The following ERLIN1 variants were observed in gnomAD, a reference collection of about 807,000 sequenced individuals.
ERLIN1 encodes erlin-1.
ERLIN1 carries 24 observed loss-of-function variants against 46.9 expected under a neutral mutation model. That is an observed-to-expected ratio of 0.51 (90% CI 0.37 to 0.72). The LOEUF (loss-of-function observed/expected upper bound fraction) is 0.72. ERLIN1 is among the 30% of genes least tolerant of loss of function. The pLI, the probability that ERLIN1 is intolerant of heterozygous loss-of-function variation, is 0.00. For synonymous variants in ERLIN1, 158 were observed against 143.2 expected (o/e 1.10, Z -0.74); for missense variants, 293 against 417.9 (o/e 0.70, Z 2.61).
chr10:100,181,337 T>C (rs2134178568), intron 2 of ERLIN1, among the ~76,000 whole-genome samples: 1 of 152,310 alleles, frequency 6.6e-6, no homozygotes, highest in East Asian at 1.9e-4. Context: ...GGCTGAAGGT[T>C]TTCATATAAT....
chr10:100,156,447 T>C (rs533495422), intron 8 of ERLIN1, among the ~76,000 whole-genome samples: 1 of 152,302 alleles, frequency 6.6e-6, no homozygotes, highest in East Asian at 1.9e-4. Flanking sequence ...AGTGCTAGTT[T>C]TGTGGGAAGA....
intron 8 of ERLIN1, among the ~76,000 whole-genome samples, chr10:100,157,328 G>A (rs184845516): frequency 1.3e-5 from 2 of 152,314 alleles, no homozygotes; most frequent in Admixed American, 6.5e-5. Flanking sequence ...AGCATTGGGA[G>A]TGAACATGTT....
intron 8 of ERLIN1, among the ~76,000 whole-genome samples, chr10:100,158,534 GA>G (rs145102308): frequency 2.0e-5 from 3 of 148,174 alleles, no homozygotes; most frequent in Non-Finnish European, 3.0e-5. Flanking sequence ...AGTCTTCACT[GA>G]AAAAAAAATT....
At position 100,174,232 on chromosome 10, in the gene ERLIN1, G is replaced by T. The variant is rs938582097; in HGVS notation, c.480C>A (p.Leu160=). ...LKQALQKDLN[L]MAPGLTIQAV... is the part of the protein sequence containing the mutation. ...CCTGTATAGTGAGACCTGGGGCCAT[G>T]AGGTTTAAGTCTTTCTGCAGAGCTT... The change falls in exon 6 of 11, where the codon CTC becomes CTA. Residue 160 remains leucine, a synonymous_variant. Transcript: ENST00000421367. The T allele has an allele frequency of 1.9e-6, 3 of 1,564,574 alleles. No homozygotes were observed. Among genetic ancestry groups the T allele is most frequent in the Non-Finnish European group, 2.6e-6 (3 of 1,152,564 alleles).
At chr10:100,162,152 A>G (rs1288506531) in intron 8 of ERLIN1, among the ~76,000 whole-genome samples, 2 of 152,172 alleles carry the variant, frequency 1.3e-5, no homozygotes, top group Non-Finnish European at 1.5e-5. Flanking sequence ...TAAATCTGAA[A>G]AAGGATCAGT....
Position 100,151,956 on chromosome 10 carries a change from G to T in ERLIN1, c.*175C>A. The T allele has an allele frequency of 1.5e-6, 1 of 671,396 alleles. No individual in the cohort carries two copies. The allele number at this position is 671,396 out of a possible 1,614,324, so 41.6% of individuals were successfully genotyped here. On this transcript the variant is annotated 3_prime_UTR_variant, in exon 11 of 11. Transcript: ENST00000421367. Reference sequence around the variant, plus strand: ...AAGACTGTGGCTGAAAAGACCATTTGTGTGTCAGACAGCTGGCTCTATCCT... The same window carrying T: ...AAGACTGTGGCTGAAAAGACCATTTTTGTGTCAGACAGCTGGCTCTATCCT...
intron 6 of ERLIN1, among the ~76,000 whole-genome samples, chr10:100,169,663 T>C (rs1346107019): frequency 6.6e-6 from 1 of 151,992 alleles, no homozygotes; most frequent in Non-Finnish European, 1.5e-5. Context: ...TTAAAATTCA[T>C]TAAATCCATT....
intron 2 of ERLIN1, among the ~76,000 whole-genome samples, chr10:100,182,720 T>C (rs1844733697): frequency 6.6e-6 from 1 of 152,168 alleles, no homozygotes; most frequent in African/African-American, 2.4e-5. Context: ...ATTTACAATA[T>C]AGACTTTAAG....
intron 7 of ERLIN1, 66 bp downstream of exon 7, chr10:100,167,282 A>G (rs928036784): frequency 1.6e-5 from 18 of 1,157,546 alleles, no homozygotes; most frequent in Non-Finnish European, 2.2e-5. Context: ...TGTTTCCTCT[A>G]GACTGGAATA....
At position 100,164,449 on chromosome 10, in the gene ERLIN1, A is replaced by T. The variant is rs778338244; in HGVS notation, c.564-354T>A. On this transcript the variant is annotated intron_variant, in intron 7 of 10. Coordinates refer to ENST00000421367, the MANE Select transcript of ERLIN1 (RefSeq NM_006459.4). Reference sequence around the variant, plus strand: ...CTAGTCCATACAGCAGCTCTGTGCCAATTAGAAAACGGCACCAGCCGTTTC... The same window carrying T: ...CTAGTCCATACAGCAGCTCTGTGCCTATTAGAAAACGGCACCAGCCGTTTC... 7.9e-4 allele frequency among the ~76,000 whole-genome samples: 120 copies of T among 152,340 alleles called. 2 individuals carry two copies. The highest frequency in any genetic ancestry group is 2.0e-4 in the Admixed American group (3 of 15,308).
intron 2 of ERLIN1, among the ~76,000 whole-genome samples, chr10:100,181,513 C>CTTTTT (rs34628060): frequency 1.6e-5 from 2 of 126,974 alleles, no homozygotes; most frequent in African/African-American, 3.2e-5. Flanking sequence ...TAAGAACACT[C>CTTTTT]TTTTTTTTTT....
chr10:100,185,600 C>T lies in ERLIN1; in HGVS notation c.27G>A (p.Leu9=). The T allele has an allele frequency of 3.1e-6, 5 of 1,614,040 alleles. No homozygotes were observed. The highest frequency in any genetic ancestry group is 4.2e-6 in the Non-Finnish European group (5 of 1,179,892). Residue 9 remains leucine, a synonymous_variant, in exon 1 of 11, where the codon CTG becomes CTA. Transcript: ENST00000421367. MNMTQARV[L]VAAVVGLVAV... is the part of the protein sequence containing the mutation. ...CCACCAACCCCACCACTGCAGCCAC[C>T]AGAACCCGGGCTTGAGTCATATTCA...
At chr10:100,182,027 A>C in intron 2 of ERLIN1, among the ~76,000 whole-genome samples, 1 of 151,838 alleles carries the variant, frequency 6.6e-6, no homozygotes. Context: ...ATATACACAC[A>C]CTATATTTGT....
At chr10:100,174,847 C>T (rs1844200825) in intron 5 of ERLIN1, among the ~76,000 whole-genome samples, 1 of 152,088 alleles carries the variant, frequency 6.6e-6, no homozygotes, top group Non-Finnish European at 1.5e-5. Context: ...TTGAAATATA[C>T]ACAGCATGAA....
Position 100,176,000 on chromosome 10 carries a change from C to T in ERLIN1, c.375G>A (p.Glu125=), listed in dbSNP as rs774125212. ...TGTGGGCACTGCAGAACTGGTTCAG[C>T]TCATGGTGGATTTTATTGAAGATTA... ...KTLIFNKIHH[E]LNQFCSAHTL... is the part of the protein sequence containing the mutation. Residue 125 remains glutamate, a synonymous_variant, in exon 5 of 11, where the codon GAG becomes GAA. Transcript: ENST00000421367. 6.2e-7 allele frequency: 1 copy of T among 1,613,372 alleles called. No homozygotes were observed. The highest frequency in any genetic ancestry group is 1.1e-5 in the South Asian group (1 of 91,046).
intron 7 of ERLIN1, among the ~76,000 whole-genome samples, chr10:100,164,683 T>G (rs1589526806): frequency 6.6e-6 from 1 of 152,238 alleles, no homozygotes; most frequent in South Asian, 2.1e-4. Context: ...ATTTCTGATC[T>G]GAAAATTTGA....
At chr10:100,161,350 A>T (rs571166172) in intron 8 of ERLIN1, among the ~76,000 whole-genome samples, 72 of 152,342 alleles carry the variant, frequency 4.7e-4, no homozygotes, top group Non-Finnish European at 6.6e-4. Context: ...AAGTCAATAA[A>T]AAAATAAAGG....
chr10:100,156,056 C>G, intron 9 of ERLIN1, 89 bp downstream of exon 9: 1 of 792,700 alleles, frequency 1.3e-6, no homozygotes, highest in South Asian at 1.5e-5. Flanking sequence ...CTATGGCCTT[C>G]TCACCCACCA....
At chr10:100,165,661 ACAGGCATGAGC>A (rs1415484463) in intron 7 of ERLIN1, among the ~76,000 whole-genome samples, 1 of 152,168 alleles carries the variant, frequency 6.6e-6, no homozygotes, top group Admixed American at 6.5e-5. Context: ...TGCTGGGATT[ACAGGCATGAGC>A]CACCGCACCC....
Sources: gnomAD v4.1 joint callset for allele counts (sites outside exome capture counted in the v4.1 genomes callset) on GRCh38, gnomAD v4.1.1 for gene constraint, MANE v1.5 for transcripts, NCBI Gene and HGNC (gene_info 2026-07-23, HGNC 2026-07-21) for gene names.